The following PRKCA variants were observed in gnomAD, a reference collection of about 807,000 sequenced individuals.
PRKCA encodes the protein protein kinase C alpha type.
PRKCA carries 27 observed loss-of-function variants against 87.0 expected under a neutral mutation model. The observed-to-expected ratio is 0.31, with a 90% CI of 0.23 to 0.43. The LOEUF (loss-of-function observed/expected upper bound fraction) is 0.43, where lower values mean the gene tolerates loss of function less well. PRKCA is among the 20% of genes least tolerant of loss of function. PRKCA has a pLI of 1.00. For missense variants in PRKCA, 518 were observed against 852.3 expected, an observed-to-expected ratio of 0.61 and a Z score of 4.88; for synonymous variants, 329 against 311.1, an observed-to-expected ratio of 1.06 and a Z score of -0.61.
At chr17:66,375,056 G>T (rs1405735975) in intron 2 of PRKCA, among the ~76,000 whole-genome samples, 1 of 8,268 alleles carries the variant, frequency 1.2e-4, no homozygotes, top group African/African-American at 2.1e-4. Context: ...TTATTCTGTT[G>T]AATCTTTATC....
intron 7 of PRKCA, 31 bp from the exon 8 acceptor site, chr17:66,688,920 G>C (rs763898929): frequency 7.0e-7 from 1 of 1,422,022 alleles, no homozygotes; most frequent in Non-Finnish European, 9.9e-7. Flanking sequence ...TAAACTTGCG[G>C]TGGTAACTCT....
intron 5 of PRKCA, among the ~76,000 whole-genome samples, chr17:66,660,211 C>T (rs1971855028): frequency 6.6e-6 from 1 of 152,076 alleles, no homozygotes. Flanking sequence ...AGTCAGAGTG[C>T]TGTCTTCTGC....
At chr17:66,584,289 T>G (rs898581391) in intron 3 of PRKCA, among the ~76,000 whole-genome samples, 1 of 152,142 alleles carries the variant, frequency 6.6e-6, no homozygotes, top group African/African-American at 2.4e-5. Flanking sequence ...TGGCTTGATC[T>G]CGGCTCACTG....
At chr17:66,733,042 T>C (rs61762451) in intron 9 of PRKCA, among the ~76,000 whole-genome samples, 2,754 of 151,690 alleles carry the variant, frequency 0.018, 85 homozygotes, top group African/African-American at 0.063. Flanking sequence ...TCCCAGCTAC[T>C]TGGGAGGCTG....
Position 66,742,717 on chromosome 17 carries a change from C to G in PRKCA, c.1481C>G (p.Thr494Arg), listed in dbSNP as rs763954407. Residue 494 changes from threonine (T) to arginine (R), a missense_variant, in exon 13 of 17, where the codon ACG (threonine) becomes AGG (arginine). Physicochemically the swap from Thr to Arg is moderately conservative, Grantham distance 71 (BLOSUM62 -1). Around this residue, in one of 5 missense-constraint regions of PRKCA, gnomAD observed 159 missense variants for 232.4 expected, o/e 0.68. Coordinates refer to ENST00000413366, the MANE Select transcript of PRKCA (RefSeq NM_002737.3). ...MCKEHMMDGVTTRTFCGTPDY... is the reference protein window; with the variant it reads ...MCKEHMMDGVRTRTFCGTPDY... Reference sequence around the variant, plus strand: ...AAGGAACACATGATGGATGGAGTCACGACCAGGACCTTCTGTGGGACTCCA... The same window carrying G: ...AAGGAACACATGATGGATGGAGTCAGGACCAGGACCTTCTGTGGGACTCCA... 1.2e-6 allele frequency: 2 copies of G among 1,614,140 alleles called. No homozygotes were observed. The highest frequency in any genetic ancestry group is 2.2e-5 in the East Asian group (1 of 44,882).
At position 66,476,598 on chromosome 17, in the gene PRKCA, G is replaced by T. The variant is rs534512147; in HGVS notation, c.206-19603G>T. ...CCTCTCAGCCTAGAAGTGGCCATTGGATTTCTTTGTATGTTTTCTCTTTAT... is the reference window on the plus strand; with the variant it reads ...CCTCTCAGCCTAGAAGTGGCCATTGTATTTCTTTGTATGTTTTCTCTTTAT... On this transcript the variant is annotated intron_variant, in intron 2 of 16. Coordinates refer to ENST00000413366, the MANE Select transcript of PRKCA (RefSeq NM_002737.3). Among the ~76,000 whole-genome samples, 10 of 152,306 alleles carry T rather than the reference G, an allele frequency of 6.6e-5. No homozygotes were observed. In the South Asian group the frequency reaches 2.1e-3, roughly 32 times the overall value.
intron 2 of PRKCA, among the ~76,000 whole-genome samples, chr17:66,486,544 C>G (rs1162807656): frequency 1.3e-5 from 2 of 152,030 alleles, no homozygotes; most frequent in African/African-American, 4.8e-5. Context: ...CCCTCTCCAG[C>G]CCCCAGGCTC....
intron 5 of PRKCA, among the ~76,000 whole-genome samples, chr17:66,660,506 A>G (rs1416119244): frequency 1.3e-5 from 2 of 152,070 alleles, no homozygotes; most frequent in Non-Finnish European, 1.5e-5. Context: ...CCCTCTGAAA[A>G]TTCTGTCCCA....
chr17:66,723,970 A>T (rs1973680128), intron 8 of PRKCA, among the ~76,000 whole-genome samples: 1 of 152,230 alleles, frequency 6.6e-6, no homozygotes, highest in African/African-American at 2.4e-5. Flanking sequence ...AAAGGGTCTC[A>T]GAGACGAGTG....
intron 2 of PRKCA, among the ~76,000 whole-genome samples, chr17:66,448,734 A>G (rs745985026): frequency 2.6e-5 from 4 of 152,056 alleles, no homozygotes. Flanking sequence ...CAGCAACATC[A>G]CACATCCCTT....
At chr17:66,510,951 T>C (rs985486154) in intron 3 of PRKCA, among the ~76,000 whole-genome samples, 7 of 152,146 alleles carry the variant, frequency 4.6e-5, no homozygotes, top group Non-Finnish European at 1.0e-4. Flanking sequence ...TTTGCCTTGT[T>C]GCCCAGGCTG....
chr17:66,325,137 T>G (rs929016998), intron 2 of PRKCA, among the ~76,000 whole-genome samples: 1 of 152,258 alleles, frequency 6.6e-6, no homozygotes, highest in African/African-American at 2.4e-5. Context: ...TGTTATCCAT[T>G]GAAATATTGA....
rs150241910 is a variant in PRKCA at position 66,804,024 on chromosome 17, A to G, written c.2006A>G (p.Gln669Arg). ...CCCCAGTTTGTGCACCCCATCTTAC[A>G]GAGTGCAGTATGAAACTCACCAGCG... ...VNPQFVHPIL[Q>R]SAV The change falls in exon 17 of 17, where the codon CAG (glutamine) becomes CGG (arginine). Residue 669 changes from glutamine (Q) to arginine (R), a missense_variant. This residue lies in a region of PRKCA where 159 missense variants were observed against 232.4 expected (regional missense o/e 0.68). Coordinates refer to ENST00000413366, the MANE Select transcript of PRKCA (RefSeq NM_002737.3). The G allele has an allele frequency of 1.1e-5, 17 of 1,612,510 alleles. No homozygotes were observed. The African/African-American group carries it at 2.1e-4, about 20-fold the overall frequency.
chr17:66,774,216 C>T, intron 14 of PRKCA, 149 bp downstream of exon 14: 1 of 1,513,726 alleles, frequency 6.6e-7, no homozygotes, highest in African/African-American at 1.4e-5. Context: ...GGAGAAACGC[C>T]CCCTTCAAAG....
chr17:66,530,630 G>A (rs150999493), intron 3 of PRKCA, among the ~76,000 whole-genome samples: 1 of 152,022 alleles, frequency 6.6e-6, no homozygotes, highest in Non-Finnish European at 1.5e-5. Context: ...CAAACCTTCC[G>A]TATTTTCTTA....
At chr17:66,675,809 A>G (rs78077235) in intron 5 of PRKCA, among the ~76,000 whole-genome samples, 8,023 of 152,208 alleles carry the variant, frequency 0.053, 282 homozygotes, top group Admixed American at 0.078. Context: ...CTCTGCCCAC[A>G]TAATAGCCCC....
chr17:66,630,067 T>G (rs1447494262), intron 3 of PRKCA, among the ~76,000 whole-genome samples: 1 of 152,152 alleles, frequency 6.6e-6, no homozygotes, highest in Non-Finnish European at 1.5e-5. Context: ...TAAATAACAT[T>G]TTTTTAAAAC....
chr17:66,334,917 G>C (rs77226918), intron 2 of PRKCA, among the ~76,000 whole-genome samples: 4,320 of 152,240 alleles, frequency 0.028, 187 homozygotes, highest in African/African-American at 0.097. Flanking sequence ...ATATTATTGA[G>C]CCTTAAACAG....
At chr17:66,464,496 A>T (rs1180233533) in intron 2 of PRKCA, among the ~76,000 whole-genome samples, 1 of 152,204 alleles carries the variant, frequency 6.6e-6, no homozygotes, top group African/African-American at 2.4e-5. Context: ...CCAGCAATGA[A>T]TGAGAGATCT....
Sources: allele counts gnomAD v4.1 joint callset (sites outside exome capture counted in the v4.1 genomes callset), GRCh38; gene constraint gnomAD v4.1.1; regional missense constraint gnomAD v4.1.1; transcripts MANE v1.5; gene names NCBI Gene and HGNC (gene_info 2026-07-23, HGNC 2026-07-21).